Variants in YEATS2 observed in about 807,000 individuals in gnomAD.
YEATS2 encodes YEATS domain-containing protein 2.
YEATS2 carries 77 observed loss-of-function variants against 163.2 expected under a neutral mutation model. That is an observed-to-expected ratio of 0.47 (90% CI 0.39 to 0.57). The LOEUF (loss-of-function observed/expected upper bound fraction) is 0.57, where lower values mean the gene tolerates loss of function less well. Among genes scored for constraint, YEATS2 ranks in the 20% least tolerant of loss-of-function variants. The pLI is 0.00. For missense variants in YEATS2, 1,549 were observed against 1,729.8 expected, an observed-to-expected ratio of 0.90 and a Z score of 1.85; for synonymous variants, 631 against 645.1, an observed-to-expected ratio of 0.98 and a Z score of 0.33.
chr3:183,759,543 T>C (rs1364283353), intron 13 of YEATS2, among the ~76,000 whole-genome samples: 2 of 152,210 alleles, frequency 1.3e-5, no homozygotes, highest in Non-Finnish European at 2.9e-5. Flanking sequence ...TATTAAACTT[T>C]CTGCTCCTTA....
rs200048624 is a variant in YEATS2, at chr3:183,722,278, CTT to C, written c.537+169_537+170del. 6.4e-3 allele frequency: 1,977 copies of C among 309,342 alleles called. 2 individuals carry two copies. Among genetic ancestry groups the C allele is most frequent in the African/African-American group, 0.022 (478 of 21,932 alleles). The allele number at this position is 309,342 out of a possible 1,614,324, so 19.2% of individuals were successfully genotyped here. A position where few individuals can be genotyped will look rare whatever the true frequency, so the allele number is the denominator to read the frequency against. On this transcript the variant is annotated intron_variant, in intron 5 of 30. Transcript: ENST00000305135. ...TCCTTTTATAATGGGGAAACCAAAT[CTT>C]TTTTTTTTTTTTTTTTTTTTTTTTT...
At chr3:183,721,440 A>G (rs948135249) in intron 4 of YEATS2, among the ~76,000 whole-genome samples, 4 of 152,198 alleles carry the variant, frequency 2.6e-5, no homozygotes, top group Non-Finnish European at 5.9e-5. Flanking sequence ...ACTTAATACA[A>G]TCAGTATTAG....
intron 24 of YEATS2, chr3:183,801,224 G>A: frequency 2.4e-6 from 1 of 410,952 alleles, no homozygotes; most frequent in South Asian, 4.2e-5. Flanking sequence ...TGTAATATGT[G>A]CATAATCTTC....
At chr3:183,793,489 A>G in intron 21 of YEATS2, 2 of 577,036 alleles carry the variant, frequency 3.5e-6, no homozygotes, top group Non-Finnish European at 3.9e-6. Flanking sequence ...TATAATAATG[A>G]ATACCTTGTC....
At chr3:183,756,431 G>A (rs1209931720) in intron 11 of YEATS2, 97 bp from the exon 12 acceptor site, 3 of 1,201,418 alleles carry the variant, frequency 2.5e-6, no homozygotes, top group Middle Eastern at 4.1e-4. Context: ...TGTTACCTTT[G>A]TCCTGGTGGC....
chr3:183,762,416 A>G (rs1721461630), intron 15 of YEATS2, 137 bp downstream of exon 15: 2 of 1,095,410 alleles, frequency 1.8e-6, no homozygotes, highest in Non-Finnish European at 2.5e-6. Context: ...CTAGTTGGAA[A>G]AACAAGTCTG....
chr3:183,743,992 G>A (rs531287850), intron 8 of YEATS2, among the ~76,000 whole-genome samples: 1 of 151,742 alleles, frequency 6.6e-6, no homozygotes, highest in Admixed American at 6.6e-5. Context: ...ATAAGACTAG[G>A]TTGCCTTATG....
chr3:183,803,353 G>C lies in YEATS2; in HGVS notation c.3582+18G>C. 1.2e-6 allele frequency: 2 copies of C among 1,603,740 alleles called. No individual in the cohort carries two copies. The highest frequency in any genetic ancestry group is 1.7e-6 in the Non-Finnish European group (2 of 1,174,912). ...CCGCTGAGGTAACCCACATCTGCCT[G>C]TCCACTCTGGCTGCCTCCAGAAACC... On this transcript the variant is annotated intron_variant, in intron 26 of 30. Coordinates refer to ENST00000305135, the MANE Select transcript of YEATS2 (RefSeq NM_018023.5).
At chr3:183,716,019 G>A (rs1715821892) in intron 2 of YEATS2, among the ~76,000 whole-genome samples, 1 of 151,992 alleles carries the variant, frequency 6.6e-6, no homozygotes, top group South Asian at 2.1e-4. Context: ...GAGTGCAGTG[G>A]CGTGATCTCG....
At chr3:183,769,336 G>A (rs149905447) in intron 15 of YEATS2, among the ~76,000 whole-genome samples, 261 of 152,298 alleles carry the variant, frequency 1.7e-3, no homozygotes, top group African/African-American at 6.1e-3. Flanking sequence ...TGCCTTGGCC[G>A]AATGCGGAAG....
At chr3:183,774,315 C>T (rs1375267079) in intron 17 of YEATS2, among the ~76,000 whole-genome samples, 6 of 152,192 alleles carry the variant, frequency 3.9e-5, no homozygotes, top group Middle Eastern at 3.4e-3. Context: ...CTCACAGGAG[C>T]GCGAACCCTG....
chr3:183,783,662 T>A (rs1426545583), intron 19 of YEATS2, among the ~76,000 whole-genome samples: 1 of 152,220 alleles, frequency 6.6e-6, no homozygotes, highest in Non-Finnish European at 1.5e-5. Flanking sequence ...TGGTTTTCTG[T>A]CCTGCATTCA....
chr3:183,776,026 G>GAGGAAC lies in YEATS2; in HGVS notation c.2483_2488dup (p.Gly828_Thr829dup), dbSNP rs747723085. On this transcript the variant is annotated inframe_insertion, in exon 18 of 31. Coordinates refer to ENST00000305135, the MANE Select transcript of YEATS2 (RefSeq NM_018023.5). ...GGAGGCGGCAGCACAGGAGGAGGAG[G>GAGGAAC]AGGAACAGCAGGAGGAGGAACTCAA... The GAGGAAC allele has an allele frequency of 5.6e-6, 9 of 1,613,400 alleles. No homozygotes were observed. The African/African-American group carries it at 1.2e-4, about 22-fold the overall frequency.
intron 1 of YEATS2, among the ~76,000 whole-genome samples, chr3:183,709,665 A>G (rs1253494109): frequency 7.0e-6 from 1 of 143,760 alleles, no homozygotes; most frequent in Non-Finnish European, 1.5e-5. Context: ...AGGCTGTTTT[A>G]ATGAGATAAA....
Position 183,810,607 on chromosome 3 carries a change from G to C in YEATS2, c.*24G>C. On this transcript the variant is annotated 3_prime_UTR_variant, in exon 31 of 31. Transcript: ENST00000305135. ...GAGCGGAGTGAGGTGCCCTGGAGAAGCAGGCTTTGAAGGCACAGCGAAGCT... is the reference window on the plus strand; with the variant it reads ...GAGCGGAGTGAGGTGCCCTGGAGAACCAGGCTTTGAAGGCACAGCGAAGCT... 1 of 1,606,658 alleles carries C rather than the reference G, an allele frequency of 6.2e-7. No homozygotes were observed. The highest frequency in any genetic ancestry group is 8.5e-7 in the Non-Finnish European group (1 of 1,173,778).
At chr3:183,761,957 C>T in intron 14 of YEATS2, 140 bp from the exon 15 acceptor site, 2 of 1,143,080 alleles carry the variant, frequency 1.7e-6, no homozygotes, top group South Asian at 1.4e-5. Flanking sequence ...GTATATTTAC[C>T]CTTCTGGTGG....
chr3:183,735,152 AC>A lies in YEATS2; in HGVS notation c.813-1564del, dbSNP rs573306518. ...GCCATGTACATAAATTGAGAAACAT[AC>A]CTAATTTATCATAGTCATTGTGAGA... On this transcript the variant is annotated intron_variant, in intron 7 of 30. Coordinates refer to ENST00000305135, the MANE Select transcript of YEATS2 (RefSeq NM_018023.5). 3.9e-3 allele frequency among the ~76,000 whole-genome samples: 594 copies of A among 152,326 alleles called. 1 individual carries two copies. The highest frequency in any genetic ancestry group is 0.014 in the Middle Eastern group (4 of 294).
intron 5 of YEATS2, among the ~76,000 whole-genome samples, chr3:183,723,102 C>A (rs369119468): frequency 6.6e-6 from 1 of 152,216 alleles, no homozygotes; most frequent in Non-Finnish European, 1.5e-5. Context: ...TTTATTCTCT[C>A]GAGAGCAGCC....
intron 8 of YEATS2, among the ~76,000 whole-genome samples, chr3:183,744,102 CTTTTTTTTTTTT>C (rs562807575): frequency 2.7e-4 from 15 of 55,994 alleles, no homozygotes; most frequent in East Asian, 1.4e-3. Context: ...TTTAGTTTTG[CTTTTTTTTTTTT>C]TTTTTTTTTT....
Sources: gnomAD v4.1 joint callset for allele counts (sites outside exome capture counted in the v4.1 genomes callset) on GRCh38, gnomAD v4.1.1 for gene constraint, MANE v1.5 for transcripts, NCBI Gene and HGNC (gene_info 2026-07-23, HGNC 2026-07-21) for gene names.